EPB41: variants seen among roughly 807,000 people sequenced by gnomAD.
The protein encoded by EPB41 is erythrocyte membrane protein band 4.1, also known as protein 4.1.
A neutral mutation model predicts 108.0 loss-of-function variants in EPB41; 65 were observed. The ratio of observed to expected loss-of-function variants is 0.60; its 90% CI spans 0.49 to 0.74. EPB41 has a LOEUF of 0.74. Among genes scored for constraint, EPB41 ranks in the 30% least tolerant of loss-of-function variants. The probability of loss-of-function intolerance (pLI) is 0.00; values close to 1 mark genes in which losing one functional copy is unlikely to be tolerated. For missense variants in EPB41, 875 were observed against 1,037.0 expected, an observed-to-expected ratio of 0.84 and a Z score of 2.15; for synonymous variants, 336 against 358.9, an observed-to-expected ratio of 0.94 and a Z score of 0.72.
chr1:28,982,908 A>G (rs1467426261), intron 1 of EPB41, among the ~76,000 whole-genome samples: 3 of 152,296 alleles, frequency 2.0e-5, no homozygotes, highest in Admixed American at 6.5e-5. Flanking sequence ...AAATGTAAAT[A>G]CATATCTTTA....
chr1:29,007,936 C>G (rs1033263834), intron 4 of EPB41, among the ~76,000 whole-genome samples: 1 of 152,138 alleles, frequency 6.6e-6, no homozygotes, highest in African/African-American at 2.4e-5. Context: ...GTCCAAATTT[C>G]TTTTCTGAGT....
At chr1:29,093,970 G>T (rs1662275066) in intron 16 of EPB41, among the ~76,000 whole-genome samples, 1 of 152,110 alleles carries the variant, frequency 6.6e-6, no homozygotes, top group Non-Finnish European at 1.5e-5. Flanking sequence ...GTCTTCCAGG[G>T]TTTTTATTAG....
chr1:29,003,416 G>C (rs77454000), intron 4 of EPB41, among the ~76,000 whole-genome samples: 10 of 152,106 alleles, frequency 6.6e-5, no homozygotes, highest in Non-Finnish European at 1.0e-4. Context: ...CCCTTCCTAA[G>C]TTATTTTCTT....
chr1:29,107,502 A>G (rs995644886), intron 17 of EPB41, among the ~76,000 whole-genome samples: 1 of 152,158 alleles, frequency 6.6e-6, no homozygotes, highest in African/African-American at 2.4e-5. Context: ...TAGGAGTATA[A>G]TAAATATTAG....
intron 1 of EPB41, among the ~76,000 whole-genome samples, chr1:28,907,492 G>A (rs2091929708): frequency 6.6e-6 from 1 of 152,040 alleles, no homozygotes; most frequent in Non-Finnish European, 1.5e-5. Context: ...TATGCATTGG[G>A]GTTGCTGTGC....
At chr1:29,016,342 A>T (rs1405952533) in intron 6 of EPB41, among the ~76,000 whole-genome samples, 8 of 135,774 alleles carry the variant, frequency 5.9e-5, no homozygotes, top group Non-Finnish European at 9.4e-5. Flanking sequence ...CGCCCTGCTA[A>T]TTTTTTTTTT....
chr1:29,015,797 TA>T (rs1260087247), intron 6 of EPB41, 30 bp downstream of exon 6: 1 of 1,362,160 alleles, frequency 7.3e-7, no homozygotes, highest in East Asian at 2.3e-5. Flanking sequence ...ATATGTAATT[TA>T]TCATATAATA....
chr1:28,964,245 T>C (rs560431708), intron 1 of EPB41, among the ~76,000 whole-genome samples: 45 of 152,208 alleles, frequency 3.0e-4, no homozygotes, highest in African/African-American at 1.1e-3. Context: ...TTGAGACCAC[T>C]GTGGCCTGTC....
upstream of EPB41, chr1:28,914,548 G>A (rs868746898): frequency 1.3e-5 from 2 of 151,674 alleles, no homozygotes; most frequent in Non-Finnish European, 2.9e-5. Flanking sequence ...CGGGCTGCGG[G>A]CCGGGCTGGC....
At chr1:29,067,436 C>T (rs1167495665) in intron 16 of EPB41, among the ~76,000 whole-genome samples, 1 of 136,628 alleles carries the variant, frequency 7.3e-6, no homozygotes, top group Non-Finnish European at 1.5e-5. Context: ...GCGGAGCTTG[C>T]AGTGAGCCGA....
chr1:29,009,383 T>C (rs974642340), intron 4 of EPB41, among the ~76,000 whole-genome samples: 1 of 152,186 alleles, frequency 6.6e-6, no homozygotes, highest in African/African-American at 2.4e-5. Context: ...GGAGTCTTTA[T>C]ATGATTGACA....
At chr1:28,975,981 G>A (rs1240114702) in intron 1 of EPB41, among the ~76,000 whole-genome samples, 1 of 146,618 alleles carries the variant, frequency 6.8e-6, no homozygotes, top group Non-Finnish European at 1.5e-5. Context: ...AAAGAAATAT[G>A]TACATGGGCG....
chr1:28,944,938 A>G (rs1298671758), intron 1 of EPB41, among the ~76,000 whole-genome samples: 1 of 151,812 alleles, frequency 6.6e-6, no homozygotes, highest in African/African-American at 2.4e-5. Flanking sequence ...AAAATACAAA[A>G]AAATTAGCCG....
In EPB41 at chr1:28,901,669, G is replaced by A. The variant is rs568639192; in HGVS notation, c.-8+14459G>A. On this transcript the variant is annotated intron_variant, in intron 1 of 16. Transcript: ENST00000347529. ...CTGTCTCAGCCTCCTGAGTAGCTGG[G>A]ATTACAGGCACCCGCCACCACGCCC... 3.3e-5 allele frequency among the ~76,000 whole-genome samples: 5 copies of A among 152,108 alleles called. No homozygotes were observed. The East Asian group carries it at 5.8e-4, about 18-fold the overall frequency.
chr1:29,106,119 A>G (rs1205481618), intron 17 of EPB41, among the ~76,000 whole-genome samples: 1 of 152,170 alleles, frequency 6.6e-6, no homozygotes, highest in Non-Finnish European at 1.5e-5. Context: ...GGGTCATAGG[A>G]CAAATGACCA....
chr1:28,910,897 G>T, upstream of EPB41: 1 of 855,650 alleles, frequency 1.2e-6, no homozygotes, highest in African/African-American at 1.8e-5. Flanking sequence ...GATAGAGATG[G>T]TCCTTAGGGA....
chr1:28,987,295 T>G (rs945472812), intron 1 of EPB41, 136 bp from the exon 2 acceptor site: 4 of 719,942 alleles, frequency 5.6e-6, no homozygotes, highest in African/African-American at 5.4e-5. Context: ...ATGGAAAGTC[T>G]CATGTTTAAT....
intron 7 of EPB41, among the ~76,000 whole-genome samples, chr1:29,020,357 T>C (rs1329769603): frequency 6.6e-6 from 1 of 151,960 alleles, no homozygotes; most frequent in Non-Finnish European, 1.5e-5. Flanking sequence ...CTTTTATTTA[T>C]ATTCTGGTTA....
intron 3 of EPB41, among the ~76,000 whole-genome samples, chr1:28,994,380 C>T (rs1392406846): frequency 6.6e-6 from 1 of 151,218 alleles, no homozygotes; most frequent in African/African-American, 2.4e-5. Flanking sequence ...ACCGTGTTAG[C>T]CAGGCTGGTC....
Sources: gnomAD v4.1 joint callset for allele counts (sites outside exome capture counted in the v4.1 genomes callset) on GRCh38, gnomAD v4.1.1 for gene constraint, MANE v1.5 for transcripts, NCBI Gene and HGNC (gene_info 2026-07-23, HGNC 2026-07-21) for gene names.